Variants in PRICKLE2 observed in about 807,000 individuals in gnomAD.
PRICKLE2 encodes the protein prickle planar cell polarity protein 2.
PRICKLE2 carries 21 observed loss-of-function variants against 81.4 expected under a neutral mutation model. The observed-to-expected ratio is 0.26, with a 90% CI of 0.18 to 0.37. The LOEUF (loss-of-function observed/expected upper bound fraction) is 0.37. PRICKLE2 is among the 10% of genes least tolerant of loss of function. The pLI, the probability that PRICKLE2 is intolerant of heterozygous loss-of-function variation, is 1.00. For missense variants in PRICKLE2, 940 were observed against 1,109.0 expected (o/e 0.85, Z 2.16); for synonymous variants, 456 against 421.5 (o/e 1.08, Z -1.00).
At chr3:64,136,308 T>G (rs1366930023) in intron 7 of PRICKLE2, among the ~76,000 whole-genome samples, 1 of 151,854 alleles carries the variant, frequency 6.6e-6, no homozygotes, top group Non-Finnish European at 1.5e-5. Context: ...ACGAAGAGTC[T>G]GGGTTTCCTT....
intron 7 of PRICKLE2, among the ~76,000 whole-genome samples, chr3:64,136,691 A>C (rs549832381): frequency 6.6e-6 from 1 of 152,176 alleles, no homozygotes; most frequent in South Asian, 2.1e-4. Context: ...CATAAGTCTC[A>C]TATGACCACT....
chr3:64,151,270 A>T lies in PRICKLE2; in HGVS notation c.787+1912T>A, dbSNP rs995834642. 3.9e-5 allele frequency among the ~76,000 whole-genome samples: 6 copies of T among 152,348 alleles called. No homozygotes were observed. The East Asian group carries it at 9.6e-4, about 24-fold the overall frequency. ...TGGTAAAAAAGTGGATTTAAAACAA[A>T]CATTAGGGACAGCATTTTAACTACA... On this transcript the variant is annotated intron_variant, in intron 6 of 7. Transcript: ENST00000638394.
chr3:64,097,318 C>T lies in PRICKLE2; in HGVS notation c.*1733G>A, dbSNP rs2076585238. ...TCTGAAATGCCACTTTTGACATTCTCTCCATAAAAAATACTAGAAAATGTT... is the reference window on the plus strand; with the variant it reads ...TCTGAAATGCCACTTTTGACATTCTTTCCATAAAAAATACTAGAAAATGTT... On this transcript the variant is annotated 3_prime_UTR_variant, in exon 8 of 8. Coordinates refer to ENST00000638394, the MANE Select transcript of PRICKLE2 (RefSeq NM_198859.4). The T allele has an allele frequency of 6.6e-6, 1 of 152,556 alleles. No individual in the cohort carries two copies. The highest frequency in any genetic ancestry group is 1.5e-5 in the Non-Finnish European group (1 of 68,042). 9.5% of individuals were successfully genotyped at this position (152,556 alleles called of 1,614,324 possible). A position where few individuals can be genotyped will look rare whatever the true frequency, so the allele number is the denominator to read the frequency against.
chr3:64,106,711 C>T (rs570095822), intron 7 of PRICKLE2, among the ~76,000 whole-genome samples: 51 of 152,366 alleles, frequency 3.3e-4, no homozygotes, highest in African/African-American at 1.1e-3. Context: ...TGCCCTTACT[C>T]TCCTGTAATA....
In PRICKLE2 at chr3:64,232,441, T is replaced by C. The variant is rs1477352375; in HGVS notation, c.129-33474A>G. Among the ~76,000 whole-genome samples the C allele has an allele frequency of 2.0e-5, 3 of 152,336 alleles. No homozygotes were observed. In the South Asian group the frequency reaches 6.2e-4, roughly 32 times the overall value. Reference sequence around the variant, plus strand: ...TGTTCATTTGCATTCCAACATACTCTTGTGAGTGGGAAAGGAAAGGATGGA... The same window carrying C: ...TGTTCATTTGCATTCCAACATACTCCTGTGAGTGGGAAAGGAAAGGATGGA... On this transcript the variant is annotated intron_variant, in intron 2 of 8. Coordinates refer to the PRICKLE2 transcript ENST00000295902.
At chr3:64,186,133 A>G (rs146711700) in intron 2 of PRICKLE2, among the ~76,000 whole-genome samples, 98 of 152,346 alleles carry the variant, frequency 6.4e-4, no homozygotes, top group African/African-American at 2.3e-3. Context: ...GTGAAGTAGT[A>G]GTATACTATA....
intron 6 of PRICKLE2, among the ~76,000 whole-genome samples, chr3:64,148,030 G>A (rs1438091199): frequency 6.6e-6 from 1 of 152,206 alleles, no homozygotes; most frequent in Non-Finnish European, 1.5e-5. Flanking sequence ...ACTGCTTTAA[G>A]AGCTTTATAT....
chr3:64,208,978 A>G (rs917733036), intron 1 of PRICKLE2, among the ~76,000 whole-genome samples: 11 of 152,040 alleles, frequency 7.2e-5, no homozygotes, highest in Non-Finnish European at 1.5e-4. Flanking sequence ...CTATCCATCC[A>G]TCCACCCATC....
intron 2 of PRICKLE2, among the ~76,000 whole-genome samples, chr3:64,177,413 G>A (rs780054886): frequency 9.9e-5 from 15 of 151,998 alleles, no homozygotes; most frequent in Non-Finnish European, 1.6e-4. Context: ...GATTATAGAC[G>A]TGAGCCACCA....
intron 7 of PRICKLE2, among the ~76,000 whole-genome samples, chr3:64,132,882 A>G (rs2077217658): frequency 1.3e-5 from 2 of 152,178 alleles, no homozygotes; most frequent in South Asian, 2.1e-4. Context: ...GAGGTACACA[A>G]TATTAGGGGC....
intron 2 of PRICKLE2, among the ~76,000 whole-genome samples, chr3:64,249,470 T>C (rs1338145056): frequency 1.3e-5 from 2 of 152,184 alleles, no homozygotes; most frequent in Admixed American, 6.5e-5. Flanking sequence ...CTACAGTAAC[T>C]GTAGTAGACT....
intron 4 of PRICKLE2, among the ~76,000 whole-genome samples, chr3:64,159,291 C>T (rs868677685): frequency 6.6e-6 from 1 of 152,224 alleles, no homozygotes; most frequent in Non-Finnish European, 1.5e-5. Context: ...AGGAGAAGAT[C>T]ATTTACCTCC....
At chr3:64,172,064 T>A (rs2107063317) in intron 2 of PRICKLE2, among the ~76,000 whole-genome samples, 1 of 152,352 alleles carries the variant, frequency 6.6e-6, no homozygotes, top group African/African-American at 2.4e-5. Flanking sequence ...TTTCCAACCC[T>A]GTTTATTATT....
intron 7 of PRICKLE2, among the ~76,000 whole-genome samples, chr3:64,111,262 TC>T (rs2076842421): frequency 6.6e-6 from 1 of 152,262 alleles, no homozygotes; most frequent in African/African-American, 2.4e-5. Flanking sequence ...CTTCTTACTG[TC>T]CTTTACTCCA....
intron 7 of PRICKLE2, among the ~76,000 whole-genome samples, chr3:64,105,326 C>G (rs2076737809): frequency 6.6e-6 from 1 of 152,206 alleles, no homozygotes; most frequent in South Asian, 2.1e-4. Flanking sequence ...AAGTTTGTAG[C>G]TGAATGAATC....
At chr3:64,239,308 G>A (rs895400477) in intron 2 of PRICKLE2, among the ~76,000 whole-genome samples, 5 of 152,166 alleles carry the variant, frequency 3.3e-5, no homozygotes, top group East Asian at 1.9e-4. Context: ...GTGGAAGGAA[G>A]GGCTGTTAGG....
Position 64,096,736 on chromosome 3 carries a change from T to C in PRICKLE2, c.*2315A>G, listed in dbSNP as rs539940016. Reference sequence around the variant, plus strand: ...TTTTAGGCCACCTTCTTTCTGATGATGGTGGTTGAAGCTTTCTTTGAGAAA... The same window carrying C: ...TTTTAGGCCACCTTCTTTCTGATGACGGTGGTTGAAGCTTTCTTTGAGAAA... On this transcript the variant is annotated 3_prime_UTR_variant, in exon 8 of 8. Transcript: ENST00000638394. 6.6e-6 allele frequency: 1 copy of C among 152,624 alleles called. No individual in the cohort carries two copies. Among genetic ancestry groups the C allele is most frequent in the African/African-American group, 2.4e-5 (1 of 41,462 alleles). 9.5% of individuals were successfully genotyped at this position (152,624 alleles called of 1,614,324 possible).
intron 3 of PRICKLE2, among the ~76,000 whole-genome samples, chr3:64,161,716 A>T (rs1179274694): frequency 1.4e-4 from 4 of 29,002 alleles, no homozygotes; most frequent in African/African-American, 3.7e-4. Flanking sequence ...AAAAAGAGTT[A>T]AAAAAAAAAA....
At chr3:64,185,887 T>C (rs1337500711) in intron 2 of PRICKLE2, among the ~76,000 whole-genome samples, 1 of 152,212 alleles carries the variant, frequency 6.6e-6, no homozygotes, top group East Asian at 1.9e-4. Flanking sequence ...ATAGCAAATG[T>C]ACCTATCACC....
Sources: allele counts gnomAD v4.1 joint callset (sites outside exome capture counted in the v4.1 genomes callset), GRCh38; gene constraint gnomAD v4.1.1; transcripts MANE v1.5; gene names NCBI Gene and HGNC (gene_info 2026-07-23, HGNC 2026-07-21).